The following CAPZB variants were observed in gnomAD, a reference collection of about 807,000 sequenced individuals.
CAPZB encodes the protein capping actin protein of muscle Z-line subunit beta, also known as F-actin-capping protein subunit beta.
Under a neutral mutation model 38.1 loss-of-function variants are expected in CAPZB, and 2 were observed. The ratio of observed to expected loss-of-function variants is 0.05; its 90% CI spans 0.02 to 0.17. The LOEUF is 0.17. CAPZB is among the 10% of genes least tolerant of loss of function. The probability of loss-of-function intolerance (pLI) is 1.00; values close to 1 mark genes in which losing one functional copy is unlikely to be tolerated. For synonymous variants in CAPZB, 107 were observed against 127.4 expected, an observed-to-expected ratio of 0.84 and a Z score of 1.08; for missense variants, 161 against 334.2, an observed-to-expected ratio of 0.48 and a Z score of 4.04.
At position 19,366,283 on chromosome 1, in the gene CAPZB, A is replaced by AATAAATATATATATATATATAT. The variant is rs71008151; in HGVS notation, c.330-8721_330-8720insATATATATATATATATATTTAT. 1.9e-3 allele frequency among the ~76,000 whole-genome samples: 117 copies of AATAAATATATATATATATATAT among 60,466 alleles called. 1 individual carries two copies. Among genetic ancestry groups the AATAAATATATATATATATATAT allele is most frequent in the Middle Eastern group, 7.2e-3 (1 of 138 alleles). 39.7% of individuals were successfully genotyped at this position (60,466 alleles called of 152,430 possible). ...GCAACATAGTGAGACCGTGTCTTAAAATATATATATATATATATATATATA... is the reference window on the plus strand; with the variant it reads ...GCAACATAGTGAGACCGTGTCTTAAAATAAATATATATATATATATATATATATATATATATATATATATATA... On this transcript the variant is annotated intron_variant, in intron 4 of 8. Transcript: ENST00000264202.
chr1:19,383,068 T>C (rs2094183814), intron 3 of CAPZB, among the ~76,000 whole-genome samples: 2 of 145,784 alleles, frequency 1.4e-5, no homozygotes, highest in Admixed American at 1.4e-4. Context: ...TGCTTGAACC[T>C]AGGAGTTCGA....
At chr1:19,371,122 C>A (rs1263397730) in intron 4 of CAPZB, among the ~76,000 whole-genome samples, 1 of 152,192 alleles carries the variant, frequency 6.6e-6, no homozygotes, top group Non-Finnish European at 1.5e-5. Context: ...CCTCACTACA[C>A]CCTGATGATG....
chr1:19,473,681 T>C (rs1337096766), intron 1 of CAPZB, among the ~76,000 whole-genome samples: 1 of 152,070 alleles, frequency 6.6e-6, no homozygotes, highest in Non-Finnish European at 1.5e-5. Flanking sequence ...CTGCCCAACA[T>C]GGCAAAACCC....
At chr1:19,362,656 AAAG>A (rs2094059730) in intron 4 of CAPZB, among the ~76,000 whole-genome samples, 1 of 152,060 alleles carries the variant, frequency 6.6e-6, no homozygotes, top group Non-Finnish European at 1.5e-5. Context: ...AAAAAAGAAA[AAAG>A]AAAGAAAAAA....
At chr1:19,403,501 C>G (rs977183129) in intron 2 of CAPZB, among the ~76,000 whole-genome samples, 2 of 152,178 alleles carry the variant, frequency 1.3e-5, no homozygotes, top group African/African-American at 4.8e-5. Flanking sequence ...GTGTGCAAGA[C>G]AAGGAGACAG....
intron 2 of CAPZB, among the ~76,000 whole-genome samples, chr1:19,404,403 G>A (rs946782246): frequency 6.6e-6 from 1 of 151,900 alleles, no homozygotes; most frequent in Non-Finnish European, 1.5e-5. Flanking sequence ...ACTTAGCCAG[G>A]CACGGTGGTA....
chr1:19,381,658 T>C (rs529037241), intron 3 of CAPZB, among the ~76,000 whole-genome samples: 13 of 150,104 alleles, frequency 8.7e-5, no homozygotes, highest in South Asian at 2.1e-4. Flanking sequence ...TACAGGACCA[T>C]AGGCATGTAC....
At chr1:19,406,295 A>G (rs2094331714) in intron 2 of CAPZB, among the ~76,000 whole-genome samples, 1 of 151,790 alleles carries the variant, frequency 6.6e-6, no homozygotes, top group South Asian at 2.1e-4. Context: ...AACCCAACGC[A>G]CCCCTCCCCC....
chr1:19,467,441 G>A (rs896641273), intron 1 of CAPZB, among the ~76,000 whole-genome samples: 2 of 152,094 alleles, frequency 1.3e-5, no homozygotes, highest in Non-Finnish European at 2.9e-5. Context: ...CAGAGGACAC[G>A]GATGTGCCAC....
intron 1 of CAPZB, among the ~76,000 whole-genome samples, chr1:19,445,392 C>A (rs746141304): frequency 1.3e-5 from 2 of 151,236 alleles, no homozygotes; most frequent in African/African-American, 4.9e-5. Context: ...TCTCTTTATA[C>A]ATTTTGGCAT....
chr1:19,378,510 G>T, intron 4 of CAPZB, 30 bp downstream of exon 4: 1 of 1,247,896 alleles, frequency 8.0e-7, no homozygotes, highest in Non-Finnish European at 1.2e-6. Flanking sequence ...ACTCACAAGC[G>T]CTAAAGTGCA....
chr1:19,438,039 G>A (rs975459536), intron 1 of CAPZB, among the ~76,000 whole-genome samples: 22 of 152,102 alleles, frequency 1.4e-4, no homozygotes, highest in African/African-American at 3.9e-4. Context: ...TGCCCCAGAC[G>A]AGGAATCCAT....
chr1:19,471,774 G>A (rs1386696060), intron 1 of CAPZB, among the ~76,000 whole-genome samples: 1 of 151,820 alleles, frequency 6.6e-6, no homozygotes, highest in Admixed American at 6.6e-5. Flanking sequence ...GGCTGAGACA[G>A]GAGAATGGCG....
At chr1:19,397,687 A>G (rs758686264) in intron 2 of CAPZB, among the ~76,000 whole-genome samples, 4 of 152,176 alleles carry the variant, frequency 2.6e-5, no homozygotes, top group Non-Finnish European at 2.9e-5. Context: ...AAATGCATCC[A>G]TTTCATCATC....
intron 8 of CAPZB, among the ~76,000 whole-genome samples, chr1:19,340,468 TCA>T (rs983501115): frequency 4.6e-5 from 7 of 152,228 alleles, no homozygotes; most frequent in South Asian, 2.1e-4. Flanking sequence ...TATGGAGATT[TCA>T]CAGTTTACAA....
chr1:19,476,047 G>T (rs1456848553), intron 1 of CAPZB, among the ~76,000 whole-genome samples: 1 of 152,122 alleles, frequency 6.6e-6, no homozygotes, highest in African/African-American at 2.4e-5. Flanking sequence ...TTTTGGCCAG[G>T]CATGGTGGCT....
chr1:19,397,926 T>C (rs1465833298), intron 2 of CAPZB, among the ~76,000 whole-genome samples: 4 of 152,096 alleles, frequency 2.6e-5, no homozygotes, highest in African/African-American at 9.7e-5. Flanking sequence ...GGGGGGCTCA[T>C]GATCGCCCAG....
At chr1:19,342,472 C>T (rs975982571) in intron 8 of CAPZB, among the ~76,000 whole-genome samples, 1 of 152,216 alleles carries the variant, frequency 6.6e-6, no homozygotes. Flanking sequence ...AGGCAGCATC[C>T]GTCCCTTGGC....
intron 1 of CAPZB, among the ~76,000 whole-genome samples, chr1:19,449,648 C>T (rs540605654): frequency 6.6e-6 from 1 of 151,698 alleles, no homozygotes; most frequent in Non-Finnish European, 1.5e-5. Flanking sequence ...ATTAGCTGGG[C>T]GTGGTGCGTG....
Sources: allele counts gnomAD v4.1 joint callset (sites outside exome capture counted in the v4.1 genomes callset), GRCh38; gene constraint gnomAD v4.1.1; transcripts MANE v1.5; gene names NCBI Gene and HGNC (gene_info 2026-07-23, HGNC 2026-07-21).